Variants in PLXNA2 observed in about 807,000 individuals in gnomAD.
PLXNA2 encodes plexin A2.
A neutral mutation model predicts 193.5 loss-of-function variants in PLXNA2; 91 were observed. The observed-to-expected ratio is 0.47, with a 90% CI of 0.40 to 0.56. The LOEUF is 0.56. Ranked by LOEUF, PLXNA2 falls within the 20% of genes least tolerant of loss-of-function variation. The pLI, the probability that PLXNA2 is intolerant of heterozygous loss-of-function variation, is 0.00. For missense variants in PLXNA2, 1,995 were observed against 2,503.2 expected (o/e 0.80, Z 4.33); for synonymous variants, 997 against 1,027.3 (o/e 0.97, Z 0.56).
At position 208,025,903 on chromosome 1, in the gene PLXNA2, A is replaced by T. The variant is rs1257621370; in HGVS notation, c.*1340T>A. On this transcript the variant is annotated 3_prime_UTR_variant, in exon 32 of 32. Coordinates refer to ENST00000367033, the MANE Select transcript of PLXNA2 (RefSeq NM_025179.4). ...AGAGGCAGAAGGTAGTAACGTGGGCATGCCACAGTCATTTCTACTGAGGAA... is the reference window on the plus strand; with the variant it reads ...AGAGGCAGAAGGTAGTAACGTGGGCTTGCCACAGTCATTTCTACTGAGGAA... 6.6e-6 allele frequency: 1 copy of T among 152,654 alleles called. No individual in the cohort carries two copies. The highest frequency in any genetic ancestry group is 1.5e-5 in the Non-Finnish European group (1 of 68,048). The allele number at this position is 152,654 out of a possible 1,614,324, so 9.5% of individuals were successfully genotyped here.
chr1:208,099,947 A>G (rs929076195), intron 5 of PLXNA2, among the ~76,000 whole-genome samples: 2 of 152,070 alleles, frequency 1.3e-5, no homozygotes, highest in African/African-American at 2.4e-5. Flanking sequence ...GAAGCAGCAC[A>G]GCCATGGAAA....
At chr1:208,175,818 A>T (rs1571998920) in intron 3 of PLXNA2, among the ~76,000 whole-genome samples, 1 of 152,324 alleles carries the variant, frequency 6.6e-6, no homozygotes, top group East Asian at 1.9e-4. Context: ...TGCCTCAGAA[A>T]ACCTGATAGC....
chr1:208,230,677 C>G (rs1292428441), intron 1 of PLXNA2, among the ~76,000 whole-genome samples: 1 of 152,178 alleles, frequency 6.6e-6, no homozygotes, highest in African/African-American at 2.4e-5. Context: ...TTTTCTGAAC[C>G]AACAGCCAGC....
chr1:208,142,486 C>A, intron 3 of PLXNA2, 23 bp from the exon 4 acceptor site: 1 of 1,584,924 alleles, frequency 6.3e-7, no homozygotes, highest in Non-Finnish European at 8.6e-7. Context: ...CAAGGGTGTC[C>A]TCAGCATCTG....
chr1:208,095,978 C>T lies in PLXNA2; in HGVS notation c.1982+51G>A, dbSNP rs563767217. The T allele has an allele frequency of 2.2e-5, 31 of 1,386,444 alleles. No homozygotes were observed. The South Asian group carries it at 3.1e-4, about 14-fold the overall frequency. 85.9% of individuals were successfully genotyped at this position (1,386,444 alleles called of 1,614,324 possible). ...GAGCTTAGCATCGAGGGGAAGAAAG[C>T]CCATACCCACATCCAGACCCAGAGC... On this transcript the variant is annotated intron_variant, in intron 8 of 31. Coordinates refer to ENST00000367033, the MANE Select transcript of PLXNA2 (RefSeq NM_025179.4).
At chr1:208,078,756 A>G (rs925763292) in intron 12 of PLXNA2, among the ~76,000 whole-genome samples, 6 of 152,230 alleles carry the variant, frequency 3.9e-5, no homozygotes, top group African/African-American at 1.2e-4. Flanking sequence ...TCTTTCCATT[A>G]AAATGCATGA....
chr1:208,079,747 T>C (rs1252595116), intron 11 of PLXNA2, among the ~76,000 whole-genome samples: 2 of 152,196 alleles, frequency 1.3e-5, no homozygotes, highest in African/African-American at 4.8e-5. Context: ...TTCCACCTCC[T>C]TGAACCTCAC....
chr1:208,205,247 C>G (rs1670679773), intron 3 of PLXNA2, among the ~76,000 whole-genome samples: 1 of 152,232 alleles, frequency 6.6e-6, no homozygotes. Flanking sequence ...CCTGTTGCCA[C>G]TCTTCCTCCA....
intron 3 of PLXNA2, among the ~76,000 whole-genome samples, chr1:208,191,869 C>T (rs531022693): frequency 3.9e-5 from 6 of 152,128 alleles, no homozygotes; most frequent in African/African-American, 9.6e-5. Flanking sequence ...CGGGGCAGGG[C>T]GAGGGGTTCC....
chr1:208,058,627 GCT>G (rs748932161), intron 13 of PLXNA2, among the ~76,000 whole-genome samples: 1 of 152,138 alleles, frequency 6.6e-6, no homozygotes, highest in African/African-American at 2.4e-5. Context: ...CATGGGGTGT[GCT>G]CTCTGTCTTC....
At chr1:208,237,585 G>C (rs1190004992) in intron 1 of PLXNA2, among the ~76,000 whole-genome samples, 1 of 152,188 alleles carries the variant, frequency 6.6e-6, no homozygotes, top group Admixed American at 6.5e-5. Flanking sequence ...AAACTGGGTA[G>C]GTACGGGTAG....
At chr1:208,209,374 A>G (rs1233475288) in intron 3 of PLXNA2, among the ~76,000 whole-genome samples, 3 of 152,220 alleles carry the variant, frequency 2.0e-5, no homozygotes, top group Admixed American at 6.5e-5. Flanking sequence ...GGTGATGTCA[A>G]CATCAAAGGG....
chr1:208,082,730 TCC>T lies in PLXNA2; in HGVS notation c.2299-224_2299-223del, dbSNP rs1239651486. Among the ~76,000 whole-genome samples the T allele has an allele frequency of 6.6e-6, 1 of 152,188 alleles. No homozygotes were observed. The highest frequency in any genetic ancestry group is 1.5e-5 in the Non-Finnish European group (1 of 68,040). ...CCTCCAGCTTTCTCCTCCACTGCTCTCCCGTGGAAAGCTTTGAATCTACCTTT... is the reference window on the plus strand; with the variant it reads ...CCTCCAGCTTTCTCCTCCACTGCTCTCGTGGAAAGCTTTGAATCTACCTTT... On this transcript the variant is annotated intron_variant, in intron 10 of 31. Coordinates refer to ENST00000367033, the MANE Select transcript of PLXNA2 (RefSeq NM_025179.4). The surrounding 1 kb of genome is among the most constrained non-coding windows in gnomAD (Gnocchi z 4.2).
At chr1:208,060,279 C>G (rs1665572535) in intron 13 of PLXNA2, among the ~76,000 whole-genome samples, 1 of 152,192 alleles carries the variant, frequency 6.6e-6, no homozygotes, top group Non-Finnish European at 1.5e-5. Context: ...CAGCGGAGGC[C>G]CTGCTCGGAT....
In PLXNA2 at chr1:208,044,598, G is replaced by A. The variant is rs375415301; in HGVS notation, c.3784C>T (p.Arg1262Cys). 3.7e-6 allele frequency: 6 copies of A among 1,614,084 alleles called. No individual in the cohort carries two copies. Among genetic ancestry groups the A allele is most frequent in the South Asian group, 1.1e-5 (1 of 91,080 alleles). ...IVIIVLIAYK[R>C]KSRENDLTLK... ...GTGAGGTCATTTTCTCGAGACTTGC[G>A]CTTGTAGGCAATGAGGACGATGATG... Residue 1262 changes from arginine to cysteine, a missense_variant, in exon 20 of 32, where the codon CGC becomes TGC. Around this residue, in one of 3 missense-constraint regions of PLXNA2, gnomAD observed 1,291 missense variants for 1,673.6 expected, o/e 0.77. Transcript: ENST00000367033. This position sits in a 1 kb window ranked among gnomAD's most constrained non-coding sequence, Gnocchi z 4.9.
intron 3 of PLXNA2, among the ~76,000 whole-genome samples, chr1:208,167,084 T>C (rs557594825): frequency 4.7e-4 from 71 of 152,328 alleles, no homozygotes; most frequent in African/African-American, 1.6e-3. Context: ...AAGCATCAAC[T>C]AGGCAAAGGA....
intron 12 of PLXNA2, among the ~76,000 whole-genome samples, chr1:208,070,899 T>C (rs1665955347): frequency 6.6e-6 from 1 of 152,214 alleles, no homozygotes; most frequent in Admixed American, 6.5e-5. Context: ...AGAGGGAAGC[T>C]GGGTTAGCTG....
At chr1:208,164,835 A>G (rs1669248213) in intron 3 of PLXNA2, among the ~76,000 whole-genome samples, 1 of 152,182 alleles carries the variant, frequency 6.6e-6, no homozygotes, top group Non-Finnish European at 1.5e-5. Context: ...TAGCGGCACT[A>G]ACGGATTCTC....
intron 2 of PLXNA2, among the ~76,000 whole-genome samples, chr1:208,214,794 C>A (rs185114517): frequency 1.6e-4 from 24 of 152,248 alleles, no homozygotes; most frequent in Admixed American, 1.6e-3. Context: ...ATGAGCTAGG[C>A]ATTATTATTT....
Sources: allele counts gnomAD v4.1 joint callset (sites outside exome capture counted in the v4.1 genomes callset), GRCh38; gene constraint gnomAD v4.1.1; regional missense constraint gnomAD v4.1.1; non-coding constraint Gnocchi (gnomAD v3.1); transcripts MANE v1.5; gene names NCBI Gene and HGNC (gene_info 2026-07-23, HGNC 2026-07-21).